The following TRPM3 variants were observed in gnomAD, a reference collection of about 807,000 sequenced individuals.
The protein encoded by TRPM3 is long transient receptor potential channel 3.
Under a neutral mutation model 181.2 loss-of-function variants are expected in TRPM3, and 77 were observed. The ratio of observed to expected loss-of-function variants is 0.42; its 90% CI spans 0.35 to 0.51. The LOEUF is 0.51. Among genes scored for constraint, TRPM3 ranks in the 20% least tolerant of loss-of-function variants. TRPM3 has a pLI of 0.01. For missense variants in TRPM3, 1,759 were observed against 2,196.7 expected, an observed-to-expected ratio of 0.80 and a Z score of 3.98; for synonymous variants, 745 against 796.4, an observed-to-expected ratio of 0.94 and a Z score of 1.09.
At chr9:70,556,243 T>G (rs2047672049) in intron 22 of TRPM3, among the ~76,000 whole-genome samples, 1 of 152,070 alleles carries the variant, frequency 6.6e-6, no homozygotes, top group African/African-American at 2.4e-5. Context: ...TCTTTTTTTT[T>G]TTTTTAACAT....
intron 1 of TRPM3, among the ~76,000 whole-genome samples, chr9:71,222,141 C>G (rs1237333338): frequency 6.6e-6 from 1 of 152,150 alleles, no homozygotes; most frequent in Non-Finnish European, 1.5e-5. Context: ...CAGTACACTG[C>G]TGATAAATAG....
At chr9:71,071,460 C>T (rs1460285563) in intron 1 of TRPM3, among the ~76,000 whole-genome samples, 1 of 152,110 alleles carries the variant, frequency 6.6e-6, no homozygotes, top group African/African-American at 2.4e-5. Flanking sequence ...CCATAAATAG[C>T]AAATGATGAG....
At chr9:70,621,354 TTTTTG>T (rs1006780511) in intron 14 of TRPM3, 81 bp from the exon 15 acceptor site, 67 of 1,126,272 alleles carry the variant, frequency 5.9e-5, no homozygotes, top group African/African-American at 2.6e-4. Context: ...TATTATATAT[TTTTTG>T]TTTTGTTTTG....
In TRPM3 at chr9:70,533,776, G is replaced by T. The variant is rs1163474886; in HGVS notation, c.*2177C>A. 6.6e-6 allele frequency: 1 copy of T among 152,174 alleles called. No individual in the cohort carries two copies. Among genetic ancestry groups the T allele is most frequent in the Non-Finnish European group, 1.5e-5 (1 of 68,022 alleles). The allele number at this position is 152,174 out of a possible 1,614,324, so 9.4% of individuals were successfully genotyped here. ...TTCTAGAACAGCTGTAAATAAGGGA[G>T]TCTGGGTGTTTGTTAGCAATTCACC... is the stretch of plus-strand genomic sequence containing the variant. On this transcript the variant is annotated 3_prime_UTR_variant, in exon 26 of 26. Transcript: ENST00000677713.
At chr9:70,985,170 T>C (rs1322244613) in intron 1 of TRPM3, among the ~76,000 whole-genome samples, 5 of 152,160 alleles carry the variant, frequency 3.3e-5, no homozygotes, top group Non-Finnish European at 5.9e-5. Flanking sequence ...TTGGAGCCAA[T>C]ATTACACAGT....
Position 70,532,572 on chromosome 9 carries a change from C to T in TRPM3, c.*3381G>A, listed in dbSNP as rs1206454701. 6.6e-6 allele frequency: 1 copy of T among 152,160 alleles called. No homozygotes were observed. Among genetic ancestry groups the T allele is most frequent in the Non-Finnish European group, 1.5e-5 (1 of 68,034 alleles). The allele number at this position is 152,160 out of a possible 1,614,324, so 9.4% of individuals were successfully genotyped here. ...TTCAAATCTATCAAGGAGGGGCCCT[C>T]TAACTATAAATATAAAGTATATTGG... On this transcript the variant is annotated 3_prime_UTR_variant, in exon 26 of 26. Coordinates refer to ENST00000677713, the MANE Select transcript of TRPM3 (RefSeq NM_001366145.2).
chr9:71,396,302 TA>T (rs11460801), intron 1 of TRPM3, among the ~76,000 whole-genome samples: 3,906 of 141,276 alleles, frequency 0.028, 102 homozygotes, highest in African/African-American at 0.07. Context: ...GTGCTATTGC[TA>T]AAAAAAAAAA....
chr9:70,911,924 C>T (rs190943626), intron 1 of TRPM3, among the ~76,000 whole-genome samples: 1 of 152,328 alleles, frequency 6.6e-6, no homozygotes, highest in East Asian at 1.9e-4. Flanking sequence ...TGTCCGTTCT[C>T]TCCTTCTGGC....
intron 1 of TRPM3, among the ~76,000 whole-genome samples, chr9:71,404,534 GT>G (rs2093400870): frequency 6.6e-6 from 1 of 151,988 alleles, no homozygotes; most frequent in Non-Finnish European, 1.5e-5. Context: ...TTATCTCTAT[GT>G]CTTATGTCAG....
intron 1 of TRPM3, among the ~76,000 whole-genome samples, chr9:71,000,121 C>T (rs574832025): frequency 5.7e-4 from 87 of 152,278 alleles, no homozygotes; most frequent in Middle Eastern, 3.4e-3. Flanking sequence ...CTAGGACAAA[C>T]AGGAAGCGAT....
chr9:71,165,729 G>C (rs542279769), intron 1 of TRPM3, among the ~76,000 whole-genome samples: 1 of 152,228 alleles, frequency 6.6e-6, no homozygotes, highest in African/African-American at 2.4e-5. Context: ...ATGAGAGAGA[G>C]GCATAAATTA....
chr9:70,968,135 T>A (rs753128979), intron 1 of TRPM3, among the ~76,000 whole-genome samples: 3 of 152,160 alleles, frequency 2.0e-5, no homozygotes, highest in Non-Finnish European at 4.4e-5. Context: ...CTCACTAAGG[T>A]GCTCTTTAAG....
chr9:71,417,140 C>T lies in TRPM3; in HGVS notation c.183+29513G>A, dbSNP rs549842606. Among the ~76,000 whole-genome samples, 219 of 151,950 alleles carry T rather than the reference C, an allele frequency of 1.4e-3. 2 individuals are homozygous for T. The highest frequency in any genetic ancestry group is 5.0e-3 in the African/African-American group (209 of 41,464). ...TGCTAAGAACATTTATGTGACAGTC[C>T]GTGTGGTCATATATTTTCACTGGGA... On this transcript the variant is annotated intron_variant, in intron 1 of 24. Transcript: ENST00000357533.
intron 8 of TRPM3, among the ~76,000 whole-genome samples, chr9:70,682,414 G>A (rs1018569568): frequency 2.0e-5 from 3 of 152,024 alleles, no homozygotes; most frequent in African/African-American, 7.2e-5. Context: ...AATTGTACAG[G>A]ACAGCTGGTC....
intron 1 of TRPM3, among the ~76,000 whole-genome samples, chr9:71,007,516 A>T (rs1252957796): frequency 6.6e-6 from 1 of 152,222 alleles, no homozygotes; most frequent in Non-Finnish European, 1.5e-5. Context: ...ACTCATATCA[A>T]GAATCTTTGC....
chr9:70,678,916 A>G (rs1169103498), intron 9 of TRPM3, among the ~76,000 whole-genome samples: 14 of 152,272 alleles, frequency 9.2e-5, no homozygotes, highest in Non-Finnish European at 1.5e-5. Context: ...CAAATGGGTC[A>G]GCAACTGAGA....
intron 1 of TRPM3, 27 bp from the exon 2 acceptor site, chr9:70,864,538 A>AAAAAAAAAAAG: frequency 4.2e-6 from 6 of 1,433,860 alleles, no homozygotes; most frequent in Non-Finnish European, 3.7e-6. Flanking sequence ...AAAAAAAAAA[A>AAAAAAAAAAAG]AAAGAAAAAA....
intron 8 of TRPM3, among the ~76,000 whole-genome samples, chr9:70,694,419 C>A (rs2069574609): frequency 6.6e-6 from 1 of 152,194 alleles, no homozygotes; most frequent in African/African-American, 2.4e-5. Flanking sequence ...TCTCCTACTT[C>A]ATACATTAAT....
At chr9:70,847,621 A>G (rs1473990923) in intron 3 of TRPM3, among the ~76,000 whole-genome samples, 1 of 152,188 alleles carries the variant, frequency 6.6e-6, no homozygotes, top group Non-Finnish European at 1.5e-5. Flanking sequence ...TAGGGCTGGT[A>G]TACTTCAAAG....
Sources: allele counts gnomAD v4.1 joint callset (sites outside exome capture counted in the v4.1 genomes callset), GRCh38; gene constraint gnomAD v4.1.1; transcripts MANE v1.5; gene names NCBI Gene and HGNC (gene_info 2026-07-23, HGNC 2026-07-21).